PCSK6: variants seen among roughly 807,000 people sequenced by gnomAD.
PCSK6 encodes paired basic amino acid cleaving enzyme 4.
PCSK6 carries 85 observed loss-of-function variants against 123.3 expected under a neutral mutation model. That is an observed-to-expected ratio of 0.69 (90% confidence interval 0.58 to 0.83). PCSK6 has a LOEUF of 0.83. Ranked by LOEUF, PCSK6 falls within the 40% of genes least tolerant of loss-of-function variation. The pLI, the probability that PCSK6 is intolerant of heterozygous loss-of-function variation, is 0.00. For missense variants in PCSK6, 1,191 were observed against 1,282.3 expected (o/e 0.93, Z 1.09); for synonymous variants, 508 against 516.0 (o/e 0.98, Z 0.21).
chr15:101,379,951 G>C (rs144803408), intron 11 of PCSK6, among the ~76,000 whole-genome samples: 2 of 152,144 alleles, frequency 1.3e-5, no homozygotes, highest in African/African-American at 4.8e-5. Context: ...CTGGAGGCCC[G>C]TATGTCCTCT....
intron 11 of PCSK6, among the ~76,000 whole-genome samples, chr15:101,380,534 C>T (rs376255189): frequency 1.3e-5 from 2 of 152,352 alleles, no homozygotes; most frequent in African/African-American, 2.4e-5. Flanking sequence ...TCAGAGAAAC[C>T]GACGCCTTAA....
At chr15:101,440,213 G>A (rs1160068924) in intron 2 of PCSK6, among the ~76,000 whole-genome samples, 1 of 152,236 alleles carries the variant, frequency 6.6e-6, no homozygotes, top group African/African-American at 2.4e-5. Flanking sequence ...ACTGCACACT[G>A]CGAACACTTG....
chr15:101,471,480 T>G (rs909165079), intron 1 of PCSK6, among the ~76,000 whole-genome samples: 4 of 152,200 alleles, frequency 2.6e-5, no homozygotes, highest in Non-Finnish European at 5.9e-5. Flanking sequence ...CTAAAATCAC[T>G]TGATCAAACT....
At chr15:101,378,035 A>G (rs578133803) in intron 11 of PCSK6, among the ~76,000 whole-genome samples, 1 of 152,372 alleles carries the variant, frequency 6.6e-6, no homozygotes, top group Non-Finnish European at 1.5e-5. Flanking sequence ...TGGATTTTCA[A>G]AGCAGCGACA....
chr15:101,479,448 A>T (rs1328282866), intron 1 of PCSK6, among the ~76,000 whole-genome samples: 1 of 152,204 alleles, frequency 6.6e-6, no homozygotes, highest in Non-Finnish European at 1.5e-5. Context: ...GGAGGCAGGG[A>T]AGCCAGTGAG....
chr15:101,377,673 C>A (rs955510285), intron 11 of PCSK6, among the ~76,000 whole-genome samples: 1 of 152,222 alleles, frequency 6.6e-6, no homozygotes, highest in African/African-American at 2.4e-5. Flanking sequence ...CATACGCAGT[C>A]TAGTTTCACG....
At chr15:101,324,267 T>A (rs1055151784) in intron 17 of PCSK6, among the ~76,000 whole-genome samples, 4 of 152,260 alleles carry the variant, frequency 2.6e-5, no homozygotes, top group Non-Finnish European at 5.9e-5. Context: ...CAACTGACGT[T>A]GGTCAGCAGC....
At chr15:101,435,063 G>A (rs891032095) in intron 2 of PCSK6, among the ~76,000 whole-genome samples, 5 of 152,218 alleles carry the variant, frequency 3.3e-5, no homozygotes, top group Non-Finnish European at 5.9e-5. Flanking sequence ...CCTGGTTCCC[G>A]GCCAGGACCA....
chr15:101,417,754 G>T (rs1039547662), intron 6 of PCSK6, among the ~76,000 whole-genome samples: 5 of 151,316 alleles, frequency 3.3e-5, no homozygotes, highest in African/African-American at 1.2e-4. Flanking sequence ...AAAGCTGAAG[G>T]AATTAATAAA....
At chr15:101,397,995 G>T (rs1303799459) in intron 7 of PCSK6, among the ~76,000 whole-genome samples, 1 of 152,228 alleles carries the variant, frequency 6.6e-6, no homozygotes, top group Admixed American at 6.5e-5. Flanking sequence ...CGCGATGAAT[G>T]CACAGAGTTC....
chr15:101,306,974 A>T (rs1026411794), intron 21 of PCSK6, among the ~76,000 whole-genome samples: 2 of 152,210 alleles, frequency 1.3e-5, no homozygotes, highest in Non-Finnish European at 2.9e-5. Flanking sequence ...CAATAAACAG[A>T]TCAGCAGTGG....
chr15:101,470,173 G>A (rs545911304), intron 1 of PCSK6, among the ~76,000 whole-genome samples: 1 of 152,276 alleles, frequency 6.6e-6, no homozygotes, highest in Admixed American at 6.5e-5. Flanking sequence ...GGCGAATTAT[G>A]CCTGTTCACA....
chr15:101,432,799 T>C (rs966433471), intron 2 of PCSK6, among the ~76,000 whole-genome samples: 4 of 152,152 alleles, frequency 2.6e-5, no homozygotes, highest in Admixed American at 1.3e-4. Flanking sequence ...ATGAAGAAAG[T>C]GTTTGGTTAA....
intron 1 of PCSK6, among the ~76,000 whole-genome samples, chr15:101,488,399 G>C (rs1000724734): frequency 6.6e-6 from 1 of 152,158 alleles, no homozygotes; most frequent in Non-Finnish European, 1.5e-5. Context: ...AGAGGAAAAA[G>C]GGACCCGCCG....
chr15:101,430,153 A>G, intron 4 of PCSK6, 90 bp from the exon 5 acceptor site: 3 of 945,322 alleles, frequency 3.2e-6, no homozygotes, highest in Non-Finnish European at 5.1e-6. Context: ...AAATAGAGAA[A>G]CCACACGCGG....
At chr15:101,336,298 A>T (rs1056807948) in intron 13 of PCSK6, among the ~76,000 whole-genome samples, 1 of 152,246 alleles carries the variant, frequency 6.6e-6, no homozygotes, top group Non-Finnish European at 1.5e-5. Context: ...AAATGACTTC[A>T]TGATGGTAAA....
chr15:101,393,360 T>C lies in PCSK6; in HGVS notation c.1061A>G (p.Tyr354Cys). The C allele has an allele frequency of 6.2e-7, 1 of 1,608,048 alleles. No individual in the cohort carries two copies. Among genetic ancestry groups the C allele is most frequent in the East Asian group, 2.2e-5 (1 of 44,814 alleles). The change falls in exon 8 of 22, where the codon TAC (tyrosine) becomes TGC (cysteine). Residue 354 changes from tyrosine to cysteine, a missense_variant. Physicochemically the swap from Tyr to Cys is radical, Grantham distance 194. Transcript: ENST00000611716. Reference protein sequence around the residue: ...ASGNGGREGDYCSCDGYTNSI... With the variant: ...ASGNGGREGDCCSCDGYTNSI... Reference sequence around the variant, plus strand: ...GTTGGTGTAGCCATCGCACGAGCAGTAGTCCCCCTCTCTCCCGCCATTCCC... The same window carrying C: ...GTTGGTGTAGCCATCGCACGAGCAGCAGTCCCCCTCTCTCCCGCCATTCCC...
chr15:101,380,173 C>T (rs977281587), intron 11 of PCSK6, among the ~76,000 whole-genome samples: 6 of 152,132 alleles, frequency 3.9e-5, no homozygotes, highest in African/African-American at 1.2e-4. Context: ...TATGTGACGG[C>T]GGGCTCCCTC....
At chr15:101,375,101 C>G (rs181180095) in intron 11 of PCSK6, among the ~76,000 whole-genome samples, 5 of 152,018 alleles carry the variant, frequency 3.3e-5, no homozygotes, top group African/African-American at 1.2e-4. Flanking sequence ...TACAGGCATG[C>G]GCCACCATGC....
Sources: allele counts gnomAD v4.1 joint callset (sites outside exome capture counted in the v4.1 genomes callset), GRCh38; gene constraint gnomAD v4.1.1; transcripts MANE v1.5; gene names NCBI Gene and HGNC (gene_info 2026-07-23, HGNC 2026-07-21).